The following NAF1 variants were observed in gnomAD, a reference collection of about 807,000 sequenced individuals.
NAF1 encodes the protein H/ACA ribonucleoprotein complex non-core subunit NAF1.
A neutral mutation model predicts 40.6 loss-of-function variants in NAF1; 11 were observed. The observed-to-expected ratio is 0.27, with a 90% CI of 0.17 to 0.45. NAF1 has a LOEUF of 0.45. Among genes scored for constraint, NAF1 ranks in the 20% least tolerant of loss-of-function variants. NAF1 has a pLI of 1.00. For synonymous variants in NAF1, 260 were observed against 228.5 expected (o/e 1.14, Z -1.24); for missense variants, 607 against 611.1 (o/e 0.99, Z 0.07).
intron 2 of NAF1, among the ~76,000 whole-genome samples, chr4:163,120,913 A>G (rs915897031): frequency 2.0e-5 from 3 of 152,088 alleles, no homozygotes; most frequent in Admixed American, 6.5e-5. Flanking sequence ...TTTTTTTGAG[A>G]CGGAGTCTCG....
At chr4:163,153,344 A>G (rs1321982190) in intron 2 of NAF1, among the ~76,000 whole-genome samples, 2 of 152,132 alleles carry the variant, frequency 1.3e-5, no homozygotes, top group Admixed American at 1.3e-4. Context: ...GAGAGTCTCT[A>G]TATCTAGCTC....
intron 2 of NAF1, among the ~76,000 whole-genome samples, chr4:163,118,998 T>C (rs1047422649): frequency 6.6e-6 from 1 of 152,154 alleles, no homozygotes; most frequent in Admixed American, 6.5e-5. Context: ...CAAAAACAAA[T>C]TATGCAACTA....
chr4:163,107,234 G>A (rs776660164), downstream of NAF1, among the ~76,000 whole-genome samples: 2 of 152,178 alleles, frequency 1.3e-5, no homozygotes, highest in African/African-American at 2.4e-5. Context: ...TGATCCGCCC[G>A]CCTTGGCCTC....
chr4:163,118,194 AAC>A (rs1240768800), intron 2 of NAF1, among the ~76,000 whole-genome samples: 1 of 152,202 alleles, frequency 6.6e-6, no homozygotes, highest in East Asian at 1.9e-4. Flanking sequence ...ATACTCTAGA[AAC>A]ACAAAGGAGA....
chr4:163,111,275 T>C (rs191903993), intron 2 of NAF1, among the ~76,000 whole-genome samples: 16 of 152,264 alleles, frequency 1.1e-4, no homozygotes, highest in African/African-American at 2.6e-4. Context: ...TCTTTGGTAG[T>C]TGTCAACCCA....
At chr4:163,128,248 T>C (rs986361263), downstream of NAF1, among the ~76,000 whole-genome samples, 2 of 152,168 alleles carry the variant, frequency 1.3e-5, no homozygotes, top group Non-Finnish European at 2.9e-5. Flanking sequence ...GCATCCCTTT[T>C]AGGAGGTTAA....
intron 2 of NAF1, among the ~76,000 whole-genome samples, chr4:163,115,141 C>G (rs1446788028): frequency 1.3e-5 from 2 of 150,586 alleles, no homozygotes; most frequent in Non-Finnish European, 2.9e-5. Flanking sequence ...ATGAAAGACT[C>G]TACATTTTTT....
At chr4:163,105,749 T>G (rs1353301252), downstream of NAF1, among the ~76,000 whole-genome samples, 1 of 152,218 alleles carries the variant, frequency 6.6e-6, no homozygotes, top group African/African-American at 2.4e-5. Flanking sequence ...ATTTTATAAG[T>G]AAATTATTTG....
chr4:163,131,282 G>A (rs1281147245), intron 7 of NAF1, among the ~76,000 whole-genome samples: 1 of 152,074 alleles, frequency 6.6e-6, no homozygotes, highest in Non-Finnish European at 1.5e-5. Flanking sequence ...TCTGCTCCAC[G>A]AAAGATACTA....
At chr4:163,150,475 A>T (rs1305499405) in intron 2 of NAF1, among the ~76,000 whole-genome samples, 1 of 152,130 alleles carries the variant, frequency 6.6e-6, no homozygotes, top group Non-Finnish European at 1.5e-5. Context: ...AAATATCCAT[A>T]TTTTAATACA....
At chr4:163,159,584 G>C (rs1048953670) in intron 2 of NAF1, among the ~76,000 whole-genome samples, 2 of 152,074 alleles carry the variant, frequency 1.3e-5, no homozygotes, top group Non-Finnish European at 2.9e-5. Context: ...ATATTCTACT[G>C]CAACTTCCAA....
chr4:163,150,042 G>C lies in NAF1; in HGVS notation c.541-1608C>G, dbSNP rs539834737. 3.9e-5 allele frequency among the ~76,000 whole-genome samples: 6 copies of C among 152,140 alleles called. No individual in the cohort carries two copies. The South Asian group carries it at 1.2e-3, about 32-fold the overall frequency. On this transcript the variant is annotated intron_variant, in intron 2 of 7. Transcript: ENST00000274054. The stretch of plus-strand genomic sequence containing the variant: ...GTCCCATTACCTAGCCAAATTATAA[G>C]ATCTAAAACAAAAATTTGAGTACTT...
intron 5 of NAF1, 143 bp from the exon 6 acceptor site, chr4:163,137,393 T>G (rs1299441708): frequency 2.5e-6 from 2 of 805,068 alleles, no homozygotes; most frequent in Non-Finnish European, 3.6e-6. Flanking sequence ...TCTTTTACCT[T>G]ATTTCAAAAG....
intron 7 of NAF1, among the ~76,000 whole-genome samples, chr4:163,130,220 A>G (rs1730817767): frequency 6.6e-6 from 1 of 152,226 alleles, no homozygotes; most frequent in Non-Finnish European, 1.5e-5. Flanking sequence ...GCTCATCACA[A>G]AAAGAACCAG....
At chr4:163,143,092 A>G (rs1731325000) in intron 4 of NAF1, among the ~76,000 whole-genome samples, 1 of 152,226 alleles carries the variant, frequency 6.6e-6, no homozygotes, top group South Asian at 2.1e-4. Context: ...CTTTAAAACT[A>G]GTATATATTC....
At chr4:163,108,256 AT>A (rs975009144), downstream of NAF1, among the ~76,000 whole-genome samples, 17 of 152,292 alleles carry the variant, frequency 1.1e-4, no homozygotes, top group African/African-American at 3.8e-4. Context: ...GCAGGGAAGG[AT>A]TGTGGAAGAA....
intron 3 of NAF1, 122 bp downstream of exon 3, chr4:163,148,216 TTAA>T (rs1469991620): frequency 4.2e-6 from 2 of 471,608 alleles, no homozygotes; most frequent in Non-Finnish European, 3.8e-6. Context: ...CCCTTCAAAC[TTAA>T]TGACTATAAA....
At chr4:163,130,282 A>G (rs535217419) in intron 7 of NAF1, among the ~76,000 whole-genome samples, 1 of 152,330 alleles carries the variant, frequency 6.6e-6, no homozygotes, top group South Asian at 2.1e-4. Context: ...TGTCACAAAG[A>G]TGTTAGAATT....
the NAF1 span, among the ~76,000 whole-genome samples, chr4:163,104,450 C>G: frequency 1.3e-5 from 2 of 152,134 alleles, no homozygotes; most frequent in African/African-American, 4.8e-5. Context: ...GTAAAAATGG[C>G]TATAAAAATA....
Sources: gnomAD v4.1 joint callset for allele counts (sites outside exome capture counted in the v4.1 genomes callset) on GRCh38, gnomAD v4.1.1 for gene constraint, MANE v1.5 for transcripts, NCBI Gene and HGNC (gene_info 2026-07-23, HGNC 2026-07-21) for gene names.